Variants in MTMR8 observed in about 807,000 individuals in gnomAD.
MTMR8 encodes the protein myotubularin related protein 8, also known as phosphatidylinositol-3,5-bisphosphate 3-phosphatase MTMR8.
Under a neutral mutation model 39.3 loss-of-function variants are expected in MTMR8, and 65 were observed. That is an observed-to-expected ratio of 1.65 (90% CI 1.35 to 2.03). The LOEUF (loss-of-function observed/expected upper bound fraction) is 2.03, where lower values mean the gene tolerates loss of function less well. Ranked by LOEUF, MTMR8 falls within the 30% of genes most tolerant of loss-of-function variation. The probability of loss-of-function intolerance (pLI) is 0.00; values close to 1 mark genes in which losing one functional copy is unlikely to be tolerated. For synonymous variants in MTMR8, 245 were observed against 185.2 expected (o/e 1.32, Z -2.62); for missense variants, 777 against 538.9 (o/e 1.44, Z -4.37).
chrX:64,343,566 C>T, intron 8 of MTMR8, 45 bp downstream of exon 8: 1 of 800,966 alleles, frequency 1.2e-6, no homozygotes, highest in Non-Finnish European at 1.9e-6. Context: ...TTCAATATAT[C>T]CCATAATTAA....
intron 12 of MTMR8, among the ~76,000 whole-genome samples, chrX:64,290,579 C>T (rs58634626): frequency 0.083 from 9,189 of 110,506 alleles, 1,026 homozygotes; most frequent in African/African-American, 0.29. Flanking sequence ...CAAACTCCTG[C>T]TCTCCTTTAG....
intron 12 of MTMR8, 137 bp downstream of exon 12, chrX:64,328,635 G>A: frequency 1.9e-6 from 1 of 536,203 alleles, no homozygotes; most frequent in Non-Finnish European, 2.6e-6. Flanking sequence ...AAGCAGCAAT[G>A]TATGGGTGAT....
intron 12 of MTMR8, among the ~76,000 whole-genome samples, chrX:64,314,668 C>A (rs1403899001): frequency 8.9e-6 from 1 of 112,726 alleles, no homozygotes; most frequent in Non-Finnish European, 1.9e-5. Context: ...TGGTTCAGTG[C>A]ATATATGTGC....
At chrX:64,370,888 C>A (rs1924113533) in intron 1 of MTMR8, among the ~76,000 whole-genome samples, 1 of 111,995 alleles carries the variant, frequency 8.9e-6, no homozygotes, top group South Asian at 3.7e-4. Context: ...TATGGTGGAT[C>A]AAACCTGTAA....
At chrX:64,380,045 T>C (rs899067384) in intron 1 of MTMR8, among the ~76,000 whole-genome samples, 4 of 111,915 alleles carry the variant, frequency 3.6e-5, no homozygotes, top group Non-Finnish European at 7.5e-5. Context: ...GCTTGATAAA[T>C]AACATCTACA....
intron 1 of MTMR8, among the ~76,000 whole-genome samples, chrX:64,374,185 C>G (rs770602514): frequency 3.3e-4 from 37 of 111,543 alleles, no homozygotes; most frequent in Admixed American, 3.1e-3. Context: ...TGCAACATAA[C>G]AAAAGACATC....
At chrX:64,322,692 C>G (rs947844451) in intron 12 of MTMR8, among the ~76,000 whole-genome samples, 1 of 112,398 alleles carries the variant, frequency 8.9e-6, no homozygotes, top group Admixed American at 9.4e-5. Flanking sequence ...ATAACTGCAT[C>G]TTTTCATTGC....
intron 12 of MTMR8, among the ~76,000 whole-genome samples, chrX:64,271,474 T>C (rs936364054): frequency 3.6e-5 from 4 of 112,198 alleles, no homozygotes; most frequent in Non-Finnish European, 7.5e-5. Flanking sequence ...CAAGGATCAA[T>C]TCCCTTTATG....
At chrX:64,334,203 C>T (rs1437318656) in intron 10 of MTMR8, among the ~76,000 whole-genome samples, 2 of 110,463 alleles carry the variant, frequency 1.8e-5, no homozygotes, top group Non-Finnish European at 3.8e-5. Flanking sequence ...TGCCCTATGC[C>T]AAATAAGTCC....
chrX:64,317,790 G>A (rs1030816769), intron 12 of MTMR8, among the ~76,000 whole-genome samples: 1 of 112,080 alleles, frequency 8.9e-6, no homozygotes, highest in Non-Finnish European at 1.9e-5. Flanking sequence ...TGTTTTGGCA[G>A]GGGATAATAA....
chrX:64,372,336 G>A (rs1341076385), intron 1 of MTMR8, among the ~76,000 whole-genome samples: 3 of 110,871 alleles, frequency 2.7e-5, no homozygotes, highest in African/African-American at 9.8e-5. Flanking sequence ...AGTTATACAT[G>A]TATACCAGGT....
intron 6 of MTMR8, among the ~76,000 whole-genome samples, chrX:64,347,157 T>A (rs1923367974): frequency 9.0e-6 from 1 of 110,661 alleles, no homozygotes; most frequent in Non-Finnish European, 1.9e-5. Context: ...AAAGTACGGA[T>A]CTAGCCATCC....
chrX:64,287,755 C>T (rs1323074648), intron 12 of MTMR8, among the ~76,000 whole-genome samples: 2 of 107,993 alleles, frequency 1.9e-5, no homozygotes, highest in Admixed American at 1.0e-4. Flanking sequence ...GGAAAACTGG[C>T]TAGCCATATG....
At chrX:64,356,960 T>C (rs1056100604) in intron 2 of MTMR8, among the ~76,000 whole-genome samples, 10 of 111,642 alleles carry the variant, frequency 9.0e-5, no homozygotes, top group Non-Finnish European at 1.9e-4. Flanking sequence ...AGGATTTAAC[T>C]AGAAATGTTA....
chrX:64,270,004 G>A (rs1931723020), intron 13 of MTMR8, among the ~76,000 whole-genome samples: 1 of 110,839 alleles, frequency 9.0e-6, no homozygotes, highest in South Asian at 4.0e-4. Context: ...CAATAATAGG[G>A]CACCTTCCCT....
At chrX:64,380,581 C>T (rs1924385899) in intron 1 of MTMR8, among the ~76,000 whole-genome samples, 1 of 112,203 alleles carries the variant, frequency 8.9e-6, no homozygotes. Context: ...ATGGAAAAAT[C>T]CATTGATCTG....
intron 12 of MTMR8, among the ~76,000 whole-genome samples, chrX:64,281,795 C>A (rs999881489): frequency 9.1e-6 from 1 of 109,962 alleles, no homozygotes; most frequent in Non-Finnish European, 1.9e-5. Context: ...TGCAATCTAC[C>A]CATCTGACAA....
At position 64,297,791 on chromosome X, in the gene MTMR8, T is replaced by C. The variant is rs760201659; in HGVS notation, c.1482-26718A>G. Among the ~76,000 whole-genome samples the C allele has an allele frequency of 6.3e-5, 7 of 111,499 alleles. No individual in the cohort carries two copies. In the East Asian group the frequency reaches 2.0e-3, roughly 31 times the overall value. On this transcript the variant is annotated intron_variant, in intron 12 of 13. Coordinates refer to ENST00000374852, the MANE Select transcript of MTMR8 (RefSeq NM_017677.4). ...TAAGGAAAGGATCCAGTTTCAGCTTTCTACATATGACTAGACAGTTTCCCC... is the reference window on the plus strand; with the variant it reads ...TAAGGAAAGGATCCAGTTTCAGCTTCCTACATATGACTAGACAGTTTCCCC...
intron 12 of MTMR8, among the ~76,000 whole-genome samples, chrX:64,298,361 A>T (rs1921705923): frequency 1.1e-5 from 1 of 91,897 alleles, no homozygotes; most frequent in Non-Finnish European, 2.1e-5. Context: ...ATGGGAGTTC[A>T]CTCATGATTT....
Sources: gnomAD v4.1 joint callset for allele counts (sites outside exome capture counted in the v4.1 genomes callset) on GRCh38, gnomAD v4.1.1 for gene constraint, MANE v1.5 for transcripts, NCBI Gene and HGNC (gene_info 2026-07-23, HGNC 2026-07-21) for gene names.